Variants in MRS2 observed in about 807,000 individuals in gnomAD.
MRS2 encodes the protein magnesium transporter MRS2 homolog, mitochondrial.
In MRS2, 40 loss-of-function variants were observed where a neutral mutation model predicts 52.6. The ratio of observed to expected loss-of-function variants is 0.76; its 90% CI spans 0.59 to 0.99. The LOEUF (loss-of-function observed/expected upper bound fraction) is 0.99, where lower values mean the gene tolerates loss of function less well. Among genes scored for constraint, MRS2 ranks in the 50% least tolerant of loss-of-function variants. The pLI is 0.00. For synonymous variants in MRS2, 193 were observed against 195.9 expected, an observed-to-expected ratio of 0.98 and a Z score of 0.13; for missense variants, 472 against 532.7, an observed-to-expected ratio of 0.89 and a Z score of 1.12.
At chr6:24,412,628 A>AATT (rs1761705957) in intron 5 of MRS2, among the ~76,000 whole-genome samples, 1 of 152,150 alleles carries the variant, frequency 6.6e-6, no homozygotes, top group Non-Finnish European at 1.5e-5. Context: ...GACATGTGAT[A>AATT]ATTATTTTAT....
At chr6:24,422,238 C>CT in intron 9 of MRS2, among the ~76,000 whole-genome samples, 1 of 152,190 alleles carries the variant, frequency 6.6e-6, no homozygotes, top group East Asian at 1.9e-4. Flanking sequence ...AACAGGCTAT[C>CT]TTTGAGGAAG....
At chr6:24,422,797 C>G in intron 9 of MRS2, 140 bp from the exon 10 acceptor site, 1 of 510,964 alleles carries the variant, frequency 2.0e-6, no homozygotes, top group South Asian at 3.5e-5. Context: ...TATCAAGGCC[C>G]TTGTTTTTCT....
chr6:24,411,095 TAGG>T (rs1285259983), intron 4 of MRS2, among the ~76,000 whole-genome samples: 1 of 151,194 alleles, frequency 6.6e-6, no homozygotes, highest in Non-Finnish European at 1.5e-5. Context: ...GAGGCTGAGG[TAGG>T]AGAATAGCTT....
chr6:24,418,018 T>C, intron 7 of MRS2, 66 bp from the exon 8 acceptor site: 2 of 1,364,976 alleles, frequency 1.5e-6, no homozygotes, highest in Non-Finnish European at 2.0e-6. Flanking sequence ...ATTTAGGAAG[T>C]TTTTGTCACT....
intron 1 of MRS2, 59 bp downstream of exon 1, chr6:24,403,295 C>A: frequency 6.3e-6 from 9 of 1,435,486 alleles, no homozygotes; most frequent in Non-Finnish European, 8.2e-6. Context: ...CCTTAGACTG[C>A]TGCCCCAGCC....
chr6:24,419,836 C>G (rs1401299917), intron 9 of MRS2, among the ~76,000 whole-genome samples: 1 of 152,130 alleles, frequency 6.6e-6, no homozygotes, highest in African/African-American at 2.4e-5. Context: ...GTCAACCTTG[C>G]ATATCTGCAG....
rs1762219940 is a variant in MRS2, at chr6:24,425,908, A to G, written c.*2214A>G. On this transcript the variant is annotated 3_prime_UTR_variant, in exon 11 of 11. Coordinates refer to ENST00000378386, the MANE Select transcript of MRS2 (RefSeq NM_020662.4). ...CAGCTTTATTTTTTGGAATTGCAAT[A>G]TTAAAGTTGCACGTTGGATTTAACT... 6.6e-6 allele frequency: 1 copy of G among 152,230 alleles called. No individual in the cohort carries two copies. The highest frequency in any genetic ancestry group is 1.5e-5 in the Non-Finnish European group (1 of 68,036). The allele number at this position is 152,230 out of a possible 1,614,324, so 9.4% of individuals were successfully genotyped here.
intron 1 of MRS2, among the ~76,000 whole-genome samples, chr6:24,403,672 G>A (rs1331927372): frequency 1.3e-5 from 2 of 152,232 alleles, no homozygotes; most frequent in South Asian, 2.1e-4. Context: ...TAACGCATTA[G>A]CCTCGCAAAG....
rs111934504 is a variant in MRS2 at position 24,411,857 on chromosome 6, G to GT, written c.415-354dup. Among the ~76,000 whole-genome samples the GT allele has an allele frequency of 6.8e-3, 928 of 137,018 alleles. 9 individuals carry two copies. The highest frequency in any genetic ancestry group is 0.02 in the African/African-American group (758 of 37,542). 89.9% of individuals were successfully genotyped at this position (137,018 alleles called of 152,430 possible). A position where few individuals can be genotyped will look rare whatever the true frequency, so the allele number is the denominator to read the frequency against. ...CGGCTTTCTGGGGGTATTTTTTGGTGTTTTTTTTTTTGTTTTTGTTTTTTT... is the reference window on the plus strand; with the variant it reads ...CGGCTTTCTGGGGGTATTTTTTGGTGTTTTTTTTTTTTGTTTTTGTTTTTTT... On this transcript the variant is annotated intron_variant, in intron 4 of 10. Coordinates refer to ENST00000378386, the MANE Select transcript of MRS2 (RefSeq NM_020662.4).
chr6:24,422,603 C>T (rs1477613960), intron 9 of MRS2, among the ~76,000 whole-genome samples: 1 of 152,058 alleles, frequency 6.6e-6, no homozygotes, highest in African/African-American at 2.4e-5. Context: ...AGTTTGAGAA[C>T]TGTGGATATA....
At position 24,403,470 on chromosome 6, in the gene MRS2, G is replaced by C. The variant is rs564530899; in HGVS notation, c.190+234G>C. Among the ~76,000 whole-genome samples, 13 of 152,290 alleles carry C rather than the reference G, an allele frequency of 8.5e-5. 1 individual carries two copies. In the South Asian group the frequency reaches 2.5e-3, roughly 29 times the overall value. ...CCGGGGTCCCAGCGGCCAACCCTCTGCCTTCTCCTCCACCGCCCTTGCTGC... is the reference window on the plus strand; with the variant it reads ...CCGGGGTCCCAGCGGCCAACCCTCTCCCTTCTCCTCCACCGCCCTTGCTGC... On this transcript the variant is annotated intron_variant, in intron 1 of 10. Coordinates refer to ENST00000378386, the MANE Select transcript of MRS2 (RefSeq NM_020662.4).
chr6:24,412,098 T>C (rs1761679882), intron 4 of MRS2, 124 bp from the exon 5 acceptor site: 1 of 511,480 alleles, frequency 2.0e-6, no homozygotes. Context: ...TTTATGAATG[T>C]TCTTTTTTCC....
rs1260307263 is a variant in MRS2, at chr6:24,411,563, G to A, written c.415-659G>A. On this transcript the variant is annotated intron_variant, in intron 4 of 10. Transcript: ENST00000378386. ...TTTATTTTTTCCAAAAAAGAAAGAC[G>A]GAGTCTCGCTCTGTCGCCAGGCTGG... 2.6e-5 allele frequency among the ~76,000 whole-genome samples: 4 copies of A among 151,988 alleles called. No homozygotes were observed. In the South Asian group the frequency reaches 8.3e-4, roughly 32 times the overall value.
rs961642661 is a variant in MRS2, at chr6:24,409,377, T to C, written c.302-84T>C. The stretch of plus-strand genomic sequence containing the variant: ...TGGTAGTAACCAAAAATTGTCTTGA[T>C]GGTGGTGGGAGGACTGCTCTGATGG... On this transcript the variant is annotated intron_variant, in intron 3 of 10. Transcript: ENST00000378386. The C allele has an allele frequency of 2.5e-5, 17 of 678,302 alleles. No homozygotes were observed. The African/African-American group carries it at 2.7e-4, about 11-fold the overall frequency. 42.0% of individuals were successfully genotyped at this position (678,302 alleles called of 1,614,324 possible).
rs76582568 is a variant in MRS2, at chr6:24,412,203, GTTTT to G, written c.415-9_415-6del. 10 of 1,220,972 alleles carry G rather than the reference GTTTT, an allele frequency of 8.2e-6. No individual in the cohort carries two copies. The highest frequency in any genetic ancestry group is 3.2e-5 in the African/African-American group (2 of 62,210). 75.6% of individuals were successfully genotyped at this position (1,220,972 alleles called of 1,614,324 possible). ...TACACTCACATATTTATATGTTTTG[GTTTT>G]TTTTTTTTTAACAGTATTTGAAAGC... On this transcript the variant is annotated splice_polypyrimidine_tract_variant and intron_variant, in intron 4 of 10. Transcript: ENST00000378386.
intron 2 of MRS2, among the ~76,000 whole-genome samples, chr6:24,405,663 C>T (rs1761443969): frequency 6.6e-6 from 1 of 151,032 alleles, no homozygotes; most frequent in South Asian, 2.1e-4. Flanking sequence ...GATAATGTAT[C>T]ACACGTATTT....
chr6:24,417,367 C>T (rs1761886296), intron 7 of MRS2, among the ~76,000 whole-genome samples: 1 of 152,200 alleles, frequency 6.6e-6, no homozygotes, highest in Non-Finnish European at 1.5e-5. Flanking sequence ...TATGAAATCA[C>T]ATTATGTACA....
chr6:24,422,043 G>C (rs1374238341), intron 9 of MRS2, among the ~76,000 whole-genome samples: 1 of 117,506 alleles, frequency 8.5e-6, no homozygotes, highest in Non-Finnish European at 2.1e-5. Flanking sequence ...CAGCTACTCA[G>C]GGGGGCCGAG....
At chr6:24,420,537 A>C (rs930691847) in intron 9 of MRS2, among the ~76,000 whole-genome samples, 1 of 152,212 alleles carries the variant, frequency 6.6e-6, no homozygotes, top group African/African-American at 2.4e-5. Context: ...TTTAGCAGTG[A>C]GTCTGCCCTT....
Sources: gnomAD v4.1 joint callset for allele counts (sites outside exome capture counted in the v4.1 genomes callset) on GRCh38, gnomAD v4.1.1 for gene constraint, MANE v1.5 for transcripts, NCBI Gene and HGNC (gene_info 2026-07-23, HGNC 2026-07-21) for gene names.